Variants in NTRK3 observed in about 807,000 individuals in gnomAD.
NTRK3 encodes neurotrophic receptor tyrosine kinase 3.
In NTRK3, 24 loss-of-function variants were observed where a neutral mutation model predicts 91.7. That is an observed-to-expected ratio of 0.26 (90% confidence interval 0.19 to 0.37). The LOEUF is 0.37. NTRK3 is among the 10% of genes least tolerant of loss of function. The pLI is 1.00. For missense variants in NTRK3, 880 were observed against 1,068.9 expected, an observed-to-expected ratio of 0.82 and a Z score of 2.46; for synonymous variants, 483 against 404.0, an observed-to-expected ratio of 1.20 and a Z score of -2.34.
intron 17 of NTRK3, among the ~76,000 whole-genome samples, chr15:87,887,682 G>C (rs927748850): frequency 1.3e-5 from 2 of 152,134 alleles, no homozygotes; most frequent in Admixed American, 1.3e-4. Context: ...AGTGGTCAAA[G>C]CCTTCCCCGG....
chr15:87,994,586 G>A (rs529168257), intron 14 of NTRK3, among the ~76,000 whole-genome samples: 4 of 152,096 alleles, frequency 2.6e-5, no homozygotes, highest in Admixed American at 6.5e-5. Context: ...CTTGGATTTC[G>A]GGCCTCCAGA....
intron 5 of NTRK3, among the ~76,000 whole-genome samples, chr15:88,163,528 C>T (rs1384851865): frequency 2.0e-5 from 3 of 152,184 alleles, no homozygotes; most frequent in African/African-American, 7.2e-5. Context: ...AAAAGTCTAG[C>T]TGCCTCTTGA....
chr15:88,123,169 C>G (rs1440943120), intron 13 of NTRK3, among the ~76,000 whole-genome samples: 5 of 152,114 alleles, frequency 3.3e-5, no homozygotes, highest in Non-Finnish European at 4.4e-5. Context: ...TCCCATGGAG[C>G]CTTTTTATAT....
At chr15:88,102,466 A>C (rs1449876254) in intron 13 of NTRK3, among the ~76,000 whole-genome samples, 1 of 152,218 alleles carries the variant, frequency 6.6e-6, no homozygotes, top group African/African-American at 2.4e-5. Flanking sequence ...TACAGTTAAC[A>C]ATAATTTATT....
At chr15:87,968,099 C>A (rs575558258) in intron 14 of NTRK3, among the ~76,000 whole-genome samples, 2 of 152,152 alleles carry the variant, frequency 1.3e-5, no homozygotes, top group African/African-American at 2.4e-5. Flanking sequence ...TTTTTACTCT[C>A]GTGTCTCGCA....
chr15:87,874,543 C>T (rs773048034), exon 19 of NTRK3: 15 of 233,350 alleles, frequency 6.4e-5, no homozygotes, highest in Non-Finnish European at 1.1e-4. Context: ...TCTCCTGCTT[C>T]TTCCCAGCCC....
intron 17 of NTRK3, among the ~76,000 whole-genome samples, chr15:87,926,353 A>G (rs1044906701): frequency 7.9e-5 from 12 of 151,506 alleles, no homozygotes; most frequent in Admixed American, 7.2e-4. Flanking sequence ...TCATCAGTAG[A>G]ATACACAGAT....
At chr15:88,000,555 G>T (rs2076030162) in intron 14 of NTRK3, among the ~76,000 whole-genome samples, 2 of 152,100 alleles carry the variant, frequency 1.3e-5, no homozygotes, top group South Asian at 4.1e-4. Context: ...TAATCTACTT[G>T]CTGGTATTAT....
chr15:88,050,780 C>T (rs1218937011), intron 13 of NTRK3, among the ~76,000 whole-genome samples: 1 of 152,104 alleles, frequency 6.6e-6, no homozygotes, highest in South Asian at 2.1e-4. Flanking sequence ...AATTGAGGCT[C>T]AGAACTATTT....
chr15:88,072,454 G>A (rs1057346811), intron 13 of NTRK3: 4 of 229,230 alleles, frequency 1.7e-5, no homozygotes, highest in African/African-American at 8.9e-5. Flanking sequence ...ATTCCGGAGA[G>A]GGAGAGGTCT....
At chr15:87,929,338 C>G (rs777697842) in exon 17 of NTRK3, 1 of 1,614,184 alleles carries the variant, frequency 6.2e-7, no homozygotes, top group East Asian at 2.2e-5. Context: ...CCGAGGCGAT[C>G]TGACTGGCAA....
chr15:88,120,185 C>G (rs575384866), intron 13 of NTRK3, among the ~76,000 whole-genome samples: 3 of 152,280 alleles, frequency 2.0e-5, no homozygotes, highest in Non-Finnish European at 2.9e-5. Flanking sequence ...AGAAGGATAA[C>G]AAGAATGTTC....
At chr15:88,166,225 G>A (rs1346340983) in intron 5 of NTRK3, among the ~76,000 whole-genome samples, 1 of 152,126 alleles carries the variant, frequency 6.6e-6, no homozygotes, top group Non-Finnish European at 1.5e-5. Context: ...GGTAATCAAA[G>A]TCATAAATCA....
chr15:88,109,495 A>G (rs1387606520), intron 13 of NTRK3, among the ~76,000 whole-genome samples: 1 of 152,244 alleles, frequency 6.6e-6, no homozygotes, highest in Non-Finnish European at 1.5e-5. Context: ...AAATGGAAAC[A>G]TGAAAGTGAA....
intron 13 of NTRK3, among the ~76,000 whole-genome samples, chr15:88,108,148 G>T (rs1378548046): frequency 6.6e-6 from 1 of 152,290 alleles, no homozygotes; most frequent in East Asian, 1.9e-4. Flanking sequence ...ATTCTCTTAA[G>T]AAAACACTGT....
chr15:88,065,699 T>C (rs2046591469), intron 13 of NTRK3, among the ~76,000 whole-genome samples: 1 of 152,250 alleles, frequency 6.6e-6, no homozygotes, highest in African/African-American at 2.4e-5. Context: ...TGGAACTGTT[T>C]CCGTCTTATT....
In NTRK3 at chr15:88,115,922, T is replaced by G. The variant is rs191904372; in HGVS notation, c.1396+10349A>C. Among the ~76,000 whole-genome samples the G allele has an allele frequency of 6.8e-3, 1,030 of 151,606 alleles. 4 individuals are homozygous for G. The highest frequency in any genetic ancestry group is 0.011 in the Non-Finnish European group (737 of 67,912). Reference sequence around the variant, plus strand: ...GGCCTGCCAGCACAAGCTTTTCCGGTTTTTTATAGCCCTCAACATTTCATT... The same window carrying G: ...GGCCTGCCAGCACAAGCTTTTCCGGGTTTTTATAGCCCTCAACATTTCATT... On this transcript the variant is annotated intron_variant, in intron 13 of 18. Transcript: ENST00000394480.
At chr15:88,037,885 G>A (rs1401829690) in intron 13 of NTRK3, among the ~76,000 whole-genome samples, 2 of 152,144 alleles carry the variant, frequency 1.3e-5, no homozygotes, top group African/African-American at 4.8e-5. Context: ...AAAGACGGGG[G>A]CATTACAGCA....
chr15:88,192,959 A>T (rs1027820754), intron 3 of NTRK3, among the ~76,000 whole-genome samples: 2 of 152,072 alleles, frequency 1.3e-5, no homozygotes, highest in Non-Finnish European at 2.9e-5. Context: ...GTCTTATTAG[A>T]TTATTTGATT....
Sources: gnomAD v4.1 joint callset for allele counts (sites outside exome capture counted in the v4.1 genomes callset) on GRCh38, gnomAD v4.1.1 for gene constraint, MANE v1.5 for transcripts, NCBI Gene and HGNC (gene_info 2026-07-23, HGNC 2026-07-21) for gene names.